BRINP3: variants seen among roughly 807,000 people sequenced by gnomAD.
BRINP3 encodes the protein BMP/retinoic acid-inducible neural-specific protein 3.
A neutral mutation model predicts 71.0 loss-of-function variants in BRINP3; 19 were observed. That is an observed-to-expected ratio of 0.27 (90% CI 0.19 to 0.39). The LOEUF (loss-of-function observed/expected upper bound fraction) is 0.39. Among genes scored for constraint, BRINP3 ranks in the 10% least tolerant of loss-of-function variants. The pLI is 1.00. For missense variants in BRINP3, 959 were observed against 940.8 expected (o/e 1.02, Z -0.25); for synonymous variants, 380 against 337.7 (o/e 1.13, Z -1.37).
intron 1 of BRINP3, among the ~76,000 whole-genome samples, chr1:190,470,305 C>T (rs1371548586): frequency 1.3e-5 from 2 of 150,956 alleles, no homozygotes; most frequent in Non-Finnish European, 3.0e-5. Context: ...AAATGAAACA[C>T]ACCATTATGA....
At chr1:190,198,727 G>A (rs922278071) in intron 6 of BRINP3, among the ~76,000 whole-genome samples, 4 of 151,970 alleles carry the variant, frequency 2.6e-5, no homozygotes, top group Non-Finnish European at 4.4e-5. Flanking sequence ...CCTCAGTCTC[G>A]ATATTATTGT....
chr1:190,472,904 G>A (rs545137595), intron 1 of BRINP3, among the ~76,000 whole-genome samples: 123 of 151,338 alleles, frequency 8.1e-4, no homozygotes, highest in Admixed American at 2.6e-3. Flanking sequence ...CAATAACTTT[G>A]CATGGAGAAA....
chr1:190,200,500 C>T (rs567009252), intron 6 of BRINP3, among the ~76,000 whole-genome samples: 2 of 152,134 alleles, frequency 1.3e-5, no homozygotes, highest in East Asian at 1.9e-4. Flanking sequence ...TTCATATAAC[C>T]TTTATTTTTA....
intron 7 of BRINP3, among the ~76,000 whole-genome samples, chr1:190,104,720 G>A (rs1180182123): frequency 1.3e-5 from 2 of 151,940 alleles, no homozygotes; most frequent in East Asian, 3.9e-4. Context: ...ATTCAGGACA[G>A]ACATTCTAGA....
chr1:190,188,590 T>C (rs1653748077), intron 6 of BRINP3, among the ~76,000 whole-genome samples: 1 of 151,506 alleles, frequency 6.6e-6, no homozygotes, highest in South Asian at 2.1e-4. Context: ...CAAATGCACC[T>C]TCTGCATCTA....
chr1:190,250,135 C>G (rs1660000391), intron 4 of BRINP3, among the ~76,000 whole-genome samples: 1 of 151,742 alleles, frequency 6.6e-6, no homozygotes, highest in Non-Finnish European at 1.5e-5. Context: ...AAAGCAGAAG[C>G]TGAAATAGAA....
At chr1:190,159,600 C>G (rs983988172) in intron 7 of BRINP3, among the ~76,000 whole-genome samples, 19 of 151,954 alleles carry the variant, frequency 1.3e-4, no homozygotes, top group African/African-American at 4.6e-4. Context: ...TGTACGATCC[C>G]ATTTACAGAA....
At chr1:190,402,296 G>A (rs1308783879) in intron 2 of BRINP3, among the ~76,000 whole-genome samples, 2 of 152,042 alleles carry the variant, frequency 1.3e-5, no homozygotes, top group African/African-American at 2.4e-5. Flanking sequence ...CTCTGTGAAA[G>A]TATAGGACAT....
At chr1:190,120,522 G>A (rs902552317) in intron 7 of BRINP3, among the ~76,000 whole-genome samples, 1 of 151,592 alleles carries the variant, frequency 6.6e-6, no homozygotes, top group African/African-American at 2.4e-5. Flanking sequence ...TTGAGATTGT[G>A]TCTCACTCTG....
In BRINP3 at chr1:190,353,273, G is replaced by T. The variant is rs1260289029; in HGVS notation, c.237-71523C>A. ...AATTCACAAAATGAAGAGCCAAAAG[G>T]TTACCATCTTTTAGTATTCCTCAGC... On this transcript the variant is annotated intron_variant, in intron 2 of 7. Coordinates refer to ENST00000367462, the MANE Select transcript of BRINP3 (RefSeq NM_199051.3). Among the ~76,000 whole-genome samples, 8 of 151,818 alleles carry T rather than the reference G, an allele frequency of 5.3e-5. No homozygotes were observed. The South Asian group carries it at 6.2e-4, about 12-fold the overall frequency.
chr1:190,420,200 T>G (rs1288615864), intron 2 of BRINP3, among the ~76,000 whole-genome samples: 1 of 152,012 alleles, frequency 6.6e-6, no homozygotes, highest in South Asian at 2.1e-4. Flanking sequence ...AGTTGATATA[T>G]TCTGTCAATC....
chr1:190,215,289 G>A (rs1331288618), intron 6 of BRINP3, among the ~76,000 whole-genome samples: 1 of 151,620 alleles, frequency 6.6e-6, no homozygotes, highest in Non-Finnish European at 1.5e-5. Context: ...CCCATACTTT[G>A]TGCATTACTA....
intron 3 of BRINP3, among the ~76,000 whole-genome samples, chr1:190,280,496 TG>T (rs1460710922): frequency 1.3e-5 from 2 of 151,838 alleles, no homozygotes; most frequent in African/African-American, 4.8e-5. Context: ...GGTCTAGAGA[TG>T]CTGGAGAGCA....
chr1:190,409,151 C>A (rs1426460841), intron 2 of BRINP3, among the ~76,000 whole-genome samples: 1 of 152,070 alleles, frequency 6.6e-6, no homozygotes. Context: ...CCTGTAATCC[C>A]AGCACTTTGG....
chr1:190,405,460 A>G (rs1672209278), intron 2 of BRINP3, among the ~76,000 whole-genome samples: 1 of 68,524 alleles, frequency 1.5e-5, no homozygotes, highest in Non-Finnish European at 2.8e-5. Flanking sequence ...CAAAAAAAAA[A>G]AAAAAAAAAA....
intron 2 of BRINP3, among the ~76,000 whole-genome samples, chr1:190,416,635 ATAAG>A (rs764314793): frequency 1.7e-4 from 26 of 152,216 alleles, no homozygotes; most frequent in South Asian, 4.1e-4. Flanking sequence ...CATAAATGAG[ATAAG>A]TAATAATGAT....
At chr1:190,390,194 C>T (rs1320209753) in intron 2 of BRINP3, among the ~76,000 whole-genome samples, 1 of 151,432 alleles carries the variant, frequency 6.6e-6, no homozygotes, top group African/African-American at 2.4e-5. Context: ...TAAAATAATG[C>T]TACATTCATC....
At chr1:190,344,137 T>C (rs1667854923) in intron 2 of BRINP3, among the ~76,000 whole-genome samples, 1 of 151,842 alleles carries the variant, frequency 6.6e-6, no homozygotes, top group Non-Finnish European at 1.5e-5. Context: ...GAAAAAAATC[T>C]TCTTCTATTA....
At chr1:190,258,645 C>G in intron 4 of BRINP3, among the ~76,000 whole-genome samples, 1 of 152,122 alleles carries the variant, frequency 6.6e-6, no homozygotes, top group East Asian at 1.9e-4. Flanking sequence ...ATACTATGAA[C>G]AATTGCATGC....
Sources: gnomAD v4.1 joint callset for allele counts (sites outside exome capture counted in the v4.1 genomes callset) on GRCh38, gnomAD v4.1.1 for gene constraint, MANE v1.5 for transcripts, NCBI Gene and HGNC (gene_info 2026-07-23, HGNC 2026-07-21) for gene names.